The following MRAP2 variants were observed in gnomAD, a reference collection of about 807,000 sequenced individuals.
MRAP2 encodes the protein melanocortin 2 receptor accessory protein 2.
Under a neutral mutation model 17.4 loss-of-function variants are expected in MRAP2, and 20 were observed. The observed-to-expected ratio is 1.15, with a 90% confidence interval of 0.81 to 1.67. The LOEUF is 1.67. Among genes scored for constraint, MRAP2 ranks in the 40% most tolerant of loss-of-function variants. The pLI is 0.00. For missense variants in MRAP2, 238 were observed against 240.0 expected, an observed-to-expected ratio of 0.99 and a Z score of 0.05; for synonymous variants, 96 against 88.4, an observed-to-expected ratio of 1.09 and a Z score of -0.48.
the MRAP2 span, among the ~76,000 whole-genome samples, chr6:84,105,804 G>T: frequency 2.6e-5 from 4 of 152,030 alleles, no homozygotes; most frequent in Admixed American, 6.6e-5. Context: ...TCACTTTCAG[G>T]TCAATGAAAT....
chr6:84,034,502 C>G (rs2129154702), intron 1 of MRAP2, among the ~76,000 whole-genome samples: 1 of 144,326 alleles, frequency 6.9e-6, no homozygotes, highest in African/African-American at 2.7e-5. Flanking sequence ...CCCCGCTCCC[C>G]CCGCCCGCCC....
At chr6:84,034,656 A>T (rs1158832031) in intron 1 of MRAP2, among the ~76,000 whole-genome samples, 2 of 152,000 alleles carry the variant, frequency 1.3e-5, no homozygotes, top group African/African-American at 2.4e-5. Flanking sequence ...ACTACTCTGC[A>T]TTTAGTTTGA....
intron 1 of MRAP2, among the ~76,000 whole-genome samples, chr6:84,052,493 G>A (rs189883574): frequency 1.5e-4 from 23 of 152,286 alleles, no homozygotes; most frequent in South Asian, 2.1e-4. Context: ...TAGCACTGCC[G>A]TATGTTTGTT....
chr6:84,062,415 A>G (rs571817361), intron 2 of MRAP2: 1 of 477,210 alleles, frequency 2.1e-6, no homozygotes, highest in Admixed American at 6.4e-5. Context: ...GTCTCTCTGA[A>G]TCTATTCTGA....
chr6:84,046,806 AG>A (rs1430722086), intron 1 of MRAP2, among the ~76,000 whole-genome samples: 16 of 149,416 alleles, frequency 1.1e-4, no homozygotes, highest in African/African-American at 3.7e-4. Flanking sequence ...AAAAAAAAAA[AG>A]GAGAATTTGG....
chr6:84,077,486 T>C (rs2099497907), intron 3 of MRAP2, among the ~76,000 whole-genome samples: 2 of 152,172 alleles, frequency 1.3e-5, no homozygotes, highest in South Asian at 4.1e-4. Flanking sequence ...CTGCCTAGCT[T>C]ATGTCTATGG....
chr6:84,055,585 C>T (rs2099491507), intron 2 of MRAP2, 140 bp downstream of exon 2: 6 of 790,712 alleles, frequency 7.6e-6, no homozygotes, highest in Non-Finnish European at 1.2e-5. Context: ...TACAAAACAT[C>T]TCGCCTCCAC....
chr6:84,142,858 C>G, the MRAP2 span, among the ~76,000 whole-genome samples: 2 of 151,500 alleles, frequency 1.3e-5, no homozygotes, highest in Non-Finnish European at 2.9e-5. Context: ...CTTTTGAGTT[C>G]TTGTGCTGCT....
At chr6:84,052,255 G>A (rs181297437) in intron 1 of MRAP2, among the ~76,000 whole-genome samples, 19 of 152,286 alleles carry the variant, frequency 1.2e-4, no homozygotes, top group South Asian at 6.2e-4. Context: ...TCCTGCTGTT[G>A]TGTTCAAGAG....
chr6:84,053,153 C>G (rs932421031), intron 1 of MRAP2, among the ~76,000 whole-genome samples: 5 of 152,146 alleles, frequency 3.3e-5, no homozygotes, highest in African/African-American at 1.2e-4. Context: ...GCTCTCGGTT[C>G]TGTGGTGTGC....
intron 1 of MRAP2, among the ~76,000 whole-genome samples, chr6:84,042,395 TA>T (rs1463683898): frequency 6.6e-6 from 1 of 152,232 alleles, no homozygotes; most frequent in Non-Finnish European, 1.5e-5. Flanking sequence ...TCCTTATTTC[TA>T]GGATTCTGAA....
At chr6:84,118,830 T>A in the MRAP2 span, among the ~76,000 whole-genome samples, 1 of 152,232 alleles carries the variant, frequency 6.6e-6, no homozygotes, top group African/African-American at 2.4e-5. Flanking sequence ...GTCTTAAATA[T>A]ATTTAAGTCT....
At chr6:84,100,226 T>C in the MRAP2 span, among the ~76,000 whole-genome samples, 1 of 152,210 alleles carries the variant, frequency 6.6e-6, no homozygotes, top group Non-Finnish European at 1.5e-5. Flanking sequence ...TGCATTTCTA[T>C]ATGAATTTTA....
chr6:84,039,361 G>A (rs2099486931), intron 1 of MRAP2, among the ~76,000 whole-genome samples: 1 of 152,158 alleles, frequency 6.6e-6, no homozygotes, highest in Admixed American at 6.6e-5. Flanking sequence ...CAACTTTCAG[G>A]CAGGATGATC....
chr6:84,122,149 G>C, the MRAP2 span, among the ~76,000 whole-genome samples: 1 of 151,984 alleles, frequency 6.6e-6, no homozygotes, highest in African/African-American at 2.4e-5. Flanking sequence ...CAAAGAGCTA[G>C]TATCAATCTT....
the MRAP2 span, among the ~76,000 whole-genome samples, chr6:84,099,181 C>CTTTTTTTTTTT: frequency 8.5e-6 from 1 of 117,394 alleles, no homozygotes; most frequent in Non-Finnish European, 1.9e-5. Context: ...AGATCCTTTT[C>CTTTTTTTTTTT]TTTTTTTTTT....
At chr6:84,063,908 G>A (rs2099493814) in intron 3 of MRAP2, among the ~76,000 whole-genome samples, 1 of 151,896 alleles carries the variant, frequency 6.6e-6, no homozygotes, top group African/African-American at 2.4e-5. Flanking sequence ...AGCCTGTTGT[G>A]GTGGAGGGCA....
chr6:84,126,485 C>G, the MRAP2 span: 2 of 1,556,922 alleles, frequency 1.3e-6, no homozygotes, highest in Admixed American at 3.9e-5. Flanking sequence ...TCTTTGGCTT[C>G]TCTCAATTCT....
chr6:84,116,914 T>C, the MRAP2 span, among the ~76,000 whole-genome samples: 1 of 152,324 alleles, frequency 6.6e-6, no homozygotes, highest in East Asian at 1.9e-4. Flanking sequence ...AATTTTTGCA[T>C]CGATGTTCAT....
Sources: gnomAD v4.1 joint callset for allele counts (sites outside exome capture counted in the v4.1 genomes callset) on GRCh38, gnomAD v4.1.1 for gene constraint, MANE v1.5 for transcripts, NCBI Gene and HGNC (gene_info 2026-07-23, HGNC 2026-07-21) for gene names.